Variants in FGF12 observed in about 807,000 individuals in gnomAD.
The protein encoded by FGF12 is fibroblast growth factor 12.
Under a neutral mutation model 23.6 loss-of-function variants are expected in FGF12, and 14 were observed. The ratio of observed to expected loss-of-function variants is 0.59; its 90% CI spans 0.39 to 0.93. The LOEUF is 0.93. FGF12 is among the 40% of genes least tolerant of loss of function. The pLI is 0.00. For synonymous variants in FGF12, 62 were observed against 77.3 expected (o/e 0.80, Z 1.04); for missense variants, 175 against 217.8 (o/e 0.80, Z 1.24).
At chr3:192,342,809 C>A (rs1037442023) in intron 3 of FGF12, among the ~76,000 whole-genome samples, 1 of 152,024 alleles carries the variant, frequency 6.6e-6, no homozygotes, top group Non-Finnish European at 1.5e-5. Context: ...AATAAACATC[C>A]TGTCCAATGA....
intron 2 of FGF12, among the ~76,000 whole-genome samples, chr3:192,568,497 G>A (rs2108601938): frequency 6.6e-6 from 1 of 152,226 alleles, no homozygotes; most frequent in South Asian, 2.1e-4. Flanking sequence ...AAATAAGAGA[G>A]TTAGACCAGC....
At chr3:192,247,040 G>GGAAA (rs1259744822) in intron 4 of FGF12, among the ~76,000 whole-genome samples, 2,506 of 14,814 alleles carry the variant, frequency 0.17, 114 homozygotes, top group South Asian at 0.4. Flanking sequence ...AAAGAAGGAA[G>GGAAA]GAAGGAAGGA....
At chr3:192,535,028 C>CT (rs1725190941) in intron 2 of FGF12, among the ~76,000 whole-genome samples, 1 of 150,694 alleles carries the variant, frequency 6.6e-6, no homozygotes, top group African/African-American at 2.5e-5. Context: ...ATTCCTGACT[C>CT]CTTTTGTAAT....
chr3:192,256,543 T>C (rs1041870671), intron 4 of FGF12, among the ~76,000 whole-genome samples: 4 of 152,016 alleles, frequency 2.6e-5, no homozygotes, highest in African/African-American at 7.2e-5. Context: ...TCTATACTAA[T>C]TTGCATGTTA....
Position 192,607,844 on chromosome 3 carries a change from A to AT in FGF12, c.13+119336dup, listed in dbSNP as rs1215776211. ...TTAACATACCCAGAGAACACTGAAA[A>AT]TTAAAAAAAAAAAAAAAAAAAAAGA... On this transcript the variant is annotated intron_variant, in intron 2 of 5. Transcript: ENST00000445105. Among the ~76,000 whole-genome samples the AT allele has an allele frequency of 3.4e-3, 367 of 109,534 alleles. 2 individuals carry two copies. The highest frequency in any genetic ancestry group is 0.01 in the African/African-American group (341 of 32,562). The allele number at this position is 109,534 out of a possible 152,430, so 71.9% of individuals were successfully genotyped here. A position where few individuals can be genotyped will look rare whatever the true frequency, so the allele number is the denominator to read the frequency against.
intron 2 of FGF12, among the ~76,000 whole-genome samples, chr3:192,595,489 G>A (rs999101192): frequency 6.6e-6 from 1 of 152,114 alleles, no homozygotes; most frequent in Non-Finnish European, 1.5e-5. Flanking sequence ...TATACCTTGA[G>A]GTTTTAGTAG....
In FGF12 at chr3:192,140,752, C is replaced by T. The variant is rs1713323675; in HGVS notation, c.*3257G>A. 1 of 151,842 alleles carries T rather than the reference C, an allele frequency of 6.6e-6. No homozygotes were observed. The highest frequency in any genetic ancestry group is 1.5e-5 in the Non-Finnish European group (1 of 67,858). The allele number at this position is 151,842 out of a possible 1,614,324, so 9.4% of individuals were successfully genotyped here. A position where few individuals can be genotyped will look rare whatever the true frequency, so the allele number is the denominator to read the frequency against. ...ATTACATTGATATCTCTTTATTGCG[C>T]CAATCCATAATGGCTAAAAATGTGC... On this transcript the variant is annotated 3_prime_UTR_variant, in exon 6 of 6. Transcript: ENST00000445105.
At chr3:192,313,563 A>G (rs763160620) in intron 4 of FGF12, among the ~76,000 whole-genome samples, 4 of 152,228 alleles carry the variant, frequency 2.6e-5, no homozygotes, top group Non-Finnish European at 4.4e-5. Flanking sequence ...TCATCAAGCA[A>G]TAAGCTTCTG....
At chr3:192,218,329 T>A (rs1718302347) in intron 4 of FGF12, among the ~76,000 whole-genome samples, 2 of 152,192 alleles carry the variant, frequency 1.3e-5, no homozygotes, top group South Asian at 4.1e-4. Flanking sequence ...ATGGCTTAGA[T>A]CTGTGTCCCC....
chr3:192,258,810 T>C (rs1438419450), intron 4 of FGF12, among the ~76,000 whole-genome samples: 1 of 152,176 alleles, frequency 6.6e-6, no homozygotes, highest in Non-Finnish European at 1.5e-5. Context: ...AGTGAACGAC[T>C]TGTGAAAATC....
At chr3:192,534,323 A>G (rs58496729) in intron 2 of FGF12, among the ~76,000 whole-genome samples, 2 of 151,990 alleles carry the variant, frequency 1.3e-5, no homozygotes, top group African/African-American at 4.8e-5. Context: ...TTATATTTTA[A>G]ACTTCTGATT....
intron 3 of FGF12, among the ~76,000 whole-genome samples, chr3:192,354,668 T>A (rs1026299655): frequency 6.6e-6 from 1 of 152,182 alleles, no homozygotes; most frequent in African/African-American, 2.4e-5. Context: ...AATTTACATT[T>A]TAAGGTAACA....
chr3:192,199,429 C>A (rs1717245858), intron 4 of FGF12, among the ~76,000 whole-genome samples: 1 of 152,144 alleles, frequency 6.6e-6, no homozygotes, highest in Non-Finnish European at 1.5e-5. Context: ...TTCTTACTTT[C>A]TTGAGAGGGA....
At chr3:192,482,957 T>C (rs190094199) in intron 2 of FGF12, among the ~76,000 whole-genome samples, 1 of 152,274 alleles carries the variant, frequency 6.6e-6, no homozygotes, top group Admixed American at 6.5e-5. Context: ...AACTTTCCAT[T>C]GTCTGAAGAA....
At chr3:192,707,713 A>C (rs185929795) in intron 2 of FGF12, among the ~76,000 whole-genome samples, 1 of 129,932 alleles carries the variant, frequency 7.7e-6, no homozygotes, top group African/African-American at 3.1e-5. Flanking sequence ...GCCACTGCAC[A>C]CTAGCCTGAC....
chr3:192,490,341 G>A (rs1723762772), intron 2 of FGF12, among the ~76,000 whole-genome samples: 1 of 151,882 alleles, frequency 6.6e-6, no homozygotes, highest in Admixed American at 6.6e-5. Context: ...CAAAAGTTAT[G>A]TTAGTACAGG....
intron 4 of FGF12, among the ~76,000 whole-genome samples, chr3:192,248,709 G>C (rs1047473649): frequency 1.3e-5 from 2 of 152,142 alleles, no homozygotes; most frequent in Admixed American, 6.6e-5. Flanking sequence ...GCCCCGGGGG[G>C]ATCCAGGCAG....
At position 192,240,172 on chromosome 3, in the gene FGF12, T is replaced by C. The variant is rs116600029; in HGVS notation, c.229-69516A>G. On this transcript the variant is annotated intron_variant, in intron 4 of 5. Coordinates refer to ENST00000445105, the MANE Select transcript of FGF12 (RefSeq NM_004113.6). ...AAATAGTACAAAACAGATGCATTCA[T>C]GCTTCATTTTTCCATATGTTTGTTA... is the stretch of plus-strand genomic sequence containing the variant. Among the ~76,000 whole-genome samples the C allele has an allele frequency of 3.6e-3, 542 of 152,320 alleles. 2 individuals are homozygous for C. Among genetic ancestry groups the C allele is most frequent in the African/African-American group, 0.012 (514 of 41,574 alleles).
At chr3:192,654,338 T>C (rs895222635) in intron 2 of FGF12, among the ~76,000 whole-genome samples, 1 of 152,158 alleles carries the variant, frequency 6.6e-6, no homozygotes, top group African/African-American at 2.4e-5. Flanking sequence ...TTTGAGATAA[T>C]TGATTGCTAC....
Sources: gnomAD v4.1 joint callset for allele counts (sites outside exome capture counted in the v4.1 genomes callset) on GRCh38, gnomAD v4.1.1 for gene constraint, MANE v1.5 for transcripts, NCBI Gene and HGNC (gene_info 2026-07-23, HGNC 2026-07-21) for gene names.